LRP1B: variants seen among roughly 807,000 people sequenced by gnomAD.
LRP1B encodes the protein low-density lipoprotein receptor-related protein 1B.
A neutral mutation model predicts 556.6 loss-of-function variants in LRP1B; 217 were observed. The ratio of observed to expected loss-of-function variants is 0.39; its 90% CI spans 0.35 to 0.44. The LOEUF (loss-of-function observed/expected upper bound fraction) is 0.44. Among genes scored for constraint, LRP1B ranks in the 20% least tolerant of loss-of-function variants. The probability of loss-of-function intolerance (pLI) is 1.00; values close to 1 mark genes in which losing one functional copy is unlikely to be tolerated. For synonymous variants in LRP1B, 2,047 were observed against 1,865.8 expected, an observed-to-expected ratio of 1.10 and a Z score of -2.50; for missense variants, 5,053 against 5,620.8, an observed-to-expected ratio of 0.90 and a Z score of 3.23.
chr2:141,603,164 A>G (rs538430801), intron 2 of LRP1B, among the ~76,000 whole-genome samples: 1 of 152,318 alleles, frequency 6.6e-6, no homozygotes, highest in South Asian at 2.1e-4. Flanking sequence ...ATCTGACTCA[A>G]GCAAGTAAAT....
intron 35 of LRP1B, among the ~76,000 whole-genome samples, chr2:140,747,549 C>T (rs1476625217): frequency 1.3e-5 from 2 of 152,106 alleles, no homozygotes; most frequent in East Asian, 3.9e-4. Flanking sequence ...ACATAGATTC[C>T]ATCTCCCTCA....
intron 1 of LRP1B, among the ~76,000 whole-genome samples, chr2:141,866,989 A>C (rs1698432834): frequency 1.3e-5 from 2 of 152,142 alleles, no homozygotes; most frequent in African/African-American, 4.8e-5. Flanking sequence ...ACGTATCTGG[A>C]AGTAGGTTTC....
intron 1 of LRP1B, among the ~76,000 whole-genome samples, chr2:141,890,816 C>A (rs1699268459): frequency 6.6e-6 from 1 of 151,986 alleles, no homozygotes; most frequent in South Asian, 2.1e-4. Flanking sequence ...GGAATCCGTT[C>A]AAAAAATACC....
intron 1 of LRP1B, among the ~76,000 whole-genome samples, chr2:141,912,821 T>C (rs1283036668): frequency 1.3e-5 from 2 of 152,194 alleles, no homozygotes; most frequent in African/African-American, 4.8e-5. Context: ...CTTATCTTTC[T>C]GGCCCCTTCT....
intron 86 of LRP1B, among the ~76,000 whole-genome samples, chr2:140,248,011 T>A (rs1161326476): frequency 7.3e-5 from 11 of 151,430 alleles, no homozygotes; most frequent in Admixed American, 6.6e-4. Flanking sequence ...TACCACCATA[T>A]CAAGAATAGT....
chr2:140,270,317 C>T lies in LRP1B; in HGVS notation c.13172G>A (p.Cys4391Tyr), dbSNP rs2104943974. Residue 4391 changes from cysteine (C) to tyrosine (Y), a missense_variant, in exon 86 of 91, where the codon TGT (cysteine) becomes TAT (tyrosine). This residue lies in a region of LRP1B where 551 missense variants were observed against 592.0 expected (regional missense o/e 0.93). Transcript: ENST00000389484. ...NCTNGKIASS[C>Y]QLCDGYCYNG... ...GTAACAGTAGCCATCACATAACTGACAGCTAGAGGCAATCTTTCCATTAGT... is the reference window on the plus strand; with the variant it reads ...GTAACAGTAGCCATCACATAACTGATAGCTAGAGGCAATCTTTCCATTAGT... 1 of 1,611,730 alleles carries T rather than the reference C, an allele frequency of 6.2e-7. No individual in the cohort carries two copies. Among genetic ancestry groups the T allele is most frequent in the Non-Finnish European group, 8.5e-7 (1 of 1,178,468 alleles).
chr2:142,067,822 G>A (rs1445943069), intron 1 of LRP1B, among the ~76,000 whole-genome samples: 1 of 151,564 alleles, frequency 6.6e-6, no homozygotes, highest in Non-Finnish European at 1.5e-5. Context: ...AAATGTTGCT[G>A]TGGCTACTTT....
chr2:141,266,460 T>C (rs1378354484), intron 3 of LRP1B, among the ~76,000 whole-genome samples: 1 of 152,124 alleles, frequency 6.6e-6, no homozygotes, highest in Non-Finnish European at 1.5e-5. Flanking sequence ...TGTAATACAA[T>C]TCTGATGTAT....
intron 7 of LRP1B, among the ~76,000 whole-genome samples, chr2:141,121,588 G>T (rs12616703): frequency 0.29 from 44,428 of 151,432 alleles, 6,744 homozygotes; most frequent in East Asian, 0.48. Flanking sequence ...CACTGCTCAA[G>T]GAAATAAAAG....
At chr2:140,706,946 TTG>T (rs1207420047) in intron 37 of LRP1B, among the ~76,000 whole-genome samples, 4 of 152,142 alleles carry the variant, frequency 2.6e-5, no homozygotes, top group Non-Finnish European at 5.9e-5. Flanking sequence ...GCTCTGATTT[TTG>T]TGTGAGAAGG....
chr2:141,186,898 G>C (rs1445350329), intron 7 of LRP1B, among the ~76,000 whole-genome samples: 2 of 151,928 alleles, frequency 1.3e-5, no homozygotes, highest in Admixed American at 1.3e-4. Flanking sequence ...TTTAAGAATG[G>C]GGAAGGATAA....
intron 2 of LRP1B, among the ~76,000 whole-genome samples, chr2:141,676,194 A>ACC (rs1471661978): frequency 6.6e-6 from 1 of 151,868 alleles, no homozygotes; most frequent in African/African-American, 2.4e-5. Flanking sequence ...TTGGACTGCC[A>ACC]CCCCACTATT....
intron 2 of LRP1B, among the ~76,000 whole-genome samples, chr2:141,794,778 T>C (rs1012472662): frequency 2.6e-5 from 4 of 152,042 alleles, no homozygotes; most frequent in Non-Finnish European, 5.9e-5. Context: ...TAAAGTCCTA[T>C]GACCAAAGTC....
At chr2:141,610,292 A>G (rs181804005) in intron 2 of LRP1B, among the ~76,000 whole-genome samples, 3 of 31,578 alleles carry the variant, frequency 9.5e-5, no homozygotes, top group East Asian at 1.1e-3. Context: ...CACTGTGCAC[A>G]TGTATTATTA....
intron 31 of LRP1B, among the ~76,000 whole-genome samples, chr2:140,831,568 A>C (rs978351878): frequency 1.3e-5 from 2 of 152,186 alleles, no homozygotes; most frequent in Admixed American, 6.5e-5. Flanking sequence ...CTATTAAACT[A>C]CTGAAAGAAA....
chr2:141,898,381 G>A lies in LRP1B; in HGVS notation c.83-87980C>T, dbSNP rs529011113. Among the ~76,000 whole-genome samples the A allele has an allele frequency of 3.3e-5, 5 of 152,154 alleles. 1 individual carries two copies. The highest frequency in any genetic ancestry group is 2.1e-4 in the South Asian group (1 of 4,818). ...ACTTTAATACCATAAAAATATTTCC[G>A]TGGTCTTTAGATTGGCTTAAACTTA... On this transcript the variant is annotated intron_variant, in intron 1 of 90. Transcript: ENST00000389484.
intron 87 of LRP1B, among the ~76,000 whole-genome samples, chr2:140,242,702 A>C (rs886539264): frequency 1.3e-5 from 2 of 151,036 alleles, no homozygotes; most frequent in Non-Finnish European, 3.0e-5. Flanking sequence ...CTGAGGCTTA[A>C]GGAGCAAATC....
intron 6 of LRP1B, among the ~76,000 whole-genome samples, chr2:141,213,818 GGTTT>G (rs1483299111): frequency 6.6e-6 from 1 of 151,444 alleles, no homozygotes; most frequent in Non-Finnish European, 1.5e-5. Context: ...ATTTTTTACT[GGTTT>G]TTTTTTCCTA....
chr2:141,782,758 T>C (rs1041782092), intron 2 of LRP1B, among the ~76,000 whole-genome samples: 4 of 152,048 alleles, frequency 2.6e-5, no homozygotes, highest in African/African-American at 9.7e-5. Flanking sequence ...GTGATCTAGG[T>C]AAAGTAATTG....
Sources: gnomAD v4.1 joint callset for allele counts (sites outside exome capture counted in the v4.1 genomes callset) on GRCh38, gnomAD v4.1.1 for gene constraint, gnomAD v4.1.1 regional missense constraint, MANE v1.5 for transcripts, NCBI Gene and HGNC (gene_info 2026-07-23, HGNC 2026-07-21) for gene names.